Variants in GNAT3 observed in about 807,000 individuals in gnomAD.
The protein encoded by GNAT3 is guanine nucleotide-binding protein G(t) subunit alpha-3.
A neutral mutation model predicts 37.7 loss-of-function variants in GNAT3; 31 were observed. That is an observed-to-expected ratio of 0.82 (90% CI 0.62 to 1.11). The LOEUF is 1.11. Among genes scored for constraint, GNAT3 ranks in the 50% most tolerant of loss-of-function variants. The pLI, the probability that GNAT3 is intolerant of heterozygous loss-of-function variation, is 0.00. For synonymous variants in GNAT3, 138 were observed against 139.8 expected (o/e 0.99, Z 0.09); for missense variants, 437 against 412.5 (o/e 1.06, Z -0.51).
intron 4 of GNAT3, among the ~76,000 whole-genome samples, chr7:80,476,083 G>A (rs1170859369): frequency 2.6e-5 from 4 of 150,948 alleles, no homozygotes; most frequent in African/African-American, 4.9e-5. Flanking sequence ...AGAGTAAAAA[G>A]AAAACAAAAA....
At chr7:80,480,655 T>C (rs1416458251) in intron 3 of GNAT3, among the ~76,000 whole-genome samples, 2 of 152,180 alleles carry the variant, frequency 1.3e-5, no homozygotes, top group African/African-American at 4.8e-5. Flanking sequence ...GGATTATTCA[T>C]GCCTCCCCTT....
intron 5 of GNAT3, 126 bp from the exon 6 acceptor site, chr7:80,462,757 T>C (rs748042402): frequency 7.0e-5 from 44 of 626,542 alleles, no homozygotes; most frequent in Non-Finnish European, 9.1e-5. Context: ...TGACTTTTAT[T>C]GATTATAAAA....
intron 3 of GNAT3, among the ~76,000 whole-genome samples, chr7:80,482,027 A>G (rs1046638793): frequency 6.6e-6 from 1 of 152,280 alleles, no homozygotes; most frequent in East Asian, 1.9e-4. Flanking sequence ...AATGTATAAA[A>G]TCAGGCAATA....
At chr7:80,499,646 T>C (rs1211687882) in intron 1 of GNAT3, among the ~76,000 whole-genome samples, 4 of 152,230 alleles carry the variant, frequency 2.6e-5, no homozygotes, top group African/African-American at 9.6e-5. Context: ...GGTAGTCTCT[T>C]TTGAGCCAAC....
At position 80,481,942 on chromosome 7, in the gene GNAT3, C is replaced by A. The variant is rs372136717; in HGVS notation, c.304-2944G>T. On this transcript the variant is annotated intron_variant, in intron 3 of 7. Transcript: ENST00000398291. ...TGAATCCACCTATGACTGGAAGGTC[C>A]CGCTTCAAATTGTCCTGCCTTTCTG... 1.4e-4 allele frequency among the ~76,000 whole-genome samples: 21 copies of A among 152,226 alleles called. No individual in the cohort carries two copies. The East Asian group carries it at 2.3e-3, about 17-fold the overall frequency.
intron 1 of GNAT3, among the ~76,000 whole-genome samples, chr7:80,502,819 C>A (rs1790861154): frequency 6.6e-6 from 1 of 152,062 alleles, no homozygotes; most frequent in Non-Finnish European, 1.5e-5. Context: ...TCAACCATAA[C>A]CAATTCCACC....
chr7:80,483,343 C>A (rs1790423412), intron 3 of GNAT3, among the ~76,000 whole-genome samples: 1 of 151,872 alleles, frequency 6.6e-6, no homozygotes, highest in South Asian at 2.1e-4. Context: ...TAAAGAATTA[C>A]AATTCTTTAA....
chr7:80,476,005 T>C (rs764884383), intron 4 of GNAT3, among the ~76,000 whole-genome samples: 13 of 152,090 alleles, frequency 8.5e-5, no homozygotes, highest in Non-Finnish European at 1.0e-4. Flanking sequence ...AGCAAATCCC[T>C]TTGTGAATTT....
intron 1 of GNAT3, among the ~76,000 whole-genome samples, chr7:80,498,554 T>C (rs1790776009): frequency 6.6e-6 from 1 of 152,160 alleles, no homozygotes; most frequent in African/African-American, 2.4e-5. Flanking sequence ...ATTGCAAAGT[T>C]ATTTCAAAAA....
chr7:80,501,163 G>A (rs1205999189), intron 1 of GNAT3, among the ~76,000 whole-genome samples: 2 of 151,574 alleles, frequency 1.3e-5, no homozygotes, highest in Non-Finnish European at 2.9e-5. Context: ...ATTTTCTTTT[G>A]CCAAAAAAAC....
rs1025023140 is a variant in GNAT3, at chr7:80,508,812, G to A, written c.118+2997C>T. Among the ~76,000 whole-genome samples, 5 of 151,958 alleles carry A rather than the reference G, an allele frequency of 3.3e-5. No individual in the cohort carries two copies. In the South Asian group the frequency reaches 8.3e-4, roughly 25 times the overall value. On this transcript the variant is annotated intron_variant, in intron 1 of 7. Coordinates refer to ENST00000398291, the MANE Select transcript of GNAT3 (RefSeq NM_001102386.3). ...TCGATAATACCAAATGGTTACATCCGCTTTGCAGTACATGTTAAATGTGGA... is the reference window on the plus strand; with the variant it reads ...TCGATAATACCAAATGGTTACATCCACTTTGCAGTACATGTTAAATGTGGA...
In GNAT3 at chr7:80,488,471, T is replaced by C. The variant is rs1007438458; in HGVS notation, c.303+64A>G. ...AGATTAATACTATGAACTTATTAAG[T>C]CCTCTTATTTTATGGCTCAAACTCT... On this transcript the variant is annotated intron_variant, in intron 3 of 7. Transcript: ENST00000398291. 9 of 1,331,104 alleles carry C rather than the reference T, an allele frequency of 6.8e-6. No individual in the cohort carries two copies. In the Admixed American group the frequency reaches 8.0e-5, roughly 12 times the overall value. 82.5% of individuals were successfully genotyped at this position (1,331,104 alleles called of 1,614,324 possible).
chr7:80,465,565 A>C (rs151028622), intron 5 of GNAT3, among the ~76,000 whole-genome samples: 3 of 152,096 alleles, frequency 2.0e-5, no homozygotes, highest in African/African-American at 7.2e-5. Context: ...TTCCGTGGCT[A>C]TGATAGCTAT....
intron 1 of GNAT3, among the ~76,000 whole-genome samples, chr7:80,502,198 T>C: frequency 6.6e-6 from 1 of 152,032 alleles, no homozygotes; most frequent in Middle Eastern, 3.2e-3. Flanking sequence ...GTGTGGATTG[T>C]GGTGACGATT....
In GNAT3 at chr7:80,499,084, T is replaced by C. The variant is rs1452046040; in HGVS notation, c.119-4437A>G. ...GACTTGTAATCACACATAAGATTTT[T>C]TTTTGTAGGTGGTCTTAAAAATCAC... is the stretch of plus-strand genomic sequence containing the variant. On this transcript the variant is annotated intron_variant, in intron 1 of 7. Transcript: ENST00000398291. 3.9e-5 allele frequency among the ~76,000 whole-genome samples: 6 copies of C among 152,286 alleles called. 1 individual carries two copies. In the East Asian group the frequency reaches 1.2e-3, roughly 29 times the overall value.
At chr7:80,476,275 A>C (rs922339181) in intron 4 of GNAT3, among the ~76,000 whole-genome samples, 1 of 151,604 alleles carries the variant, frequency 6.6e-6, no homozygotes, top group African/African-American at 2.4e-5. Context: ...GGAATGTGGG[A>C]GTTCAAGTCT....
chr7:80,471,690 C>T (rs1790223569), intron 5 of GNAT3, among the ~76,000 whole-genome samples: 2 of 152,158 alleles, frequency 1.3e-5, no homozygotes, highest in Admixed American at 1.3e-4. Context: ...CCCAATTTAT[C>T]TAACAACTCA....
chr7:80,459,373 A>G (rs1790011443), intron 7 of GNAT3, among the ~76,000 whole-genome samples: 1 of 152,232 alleles, frequency 6.6e-6, no homozygotes, highest in Admixed American at 6.5e-5. Context: ...TGAAGAATCT[A>G]CTTCGATAGA....
chr7:80,497,532 CTATATA>C (rs1185876936), intron 1 of GNAT3, among the ~76,000 whole-genome samples: 1 of 144,174 alleles, frequency 6.9e-6, no homozygotes, highest in Non-Finnish European at 1.5e-5. Flanking sequence ...GTTTCTCTCT[CTATATA>C]TATACACATA....
Sources: allele counts gnomAD v4.1 joint callset (sites outside exome capture counted in the v4.1 genomes callset), GRCh38; gene constraint gnomAD v4.1.1; transcripts MANE v1.5; gene names NCBI Gene and HGNC (gene_info 2026-07-23, HGNC 2026-07-21).